Variants in MAGI2 observed in about 807,000 individuals in gnomAD.
MAGI2 encodes membrane associated guanylate kinase, WW and PDZ domain containing 2, also known as membrane-associated guanylate kinase, WW and PDZ domain-containing protein 2.
A neutral mutation model predicts 133.3 loss-of-function variants in MAGI2; 35 were observed. That is an observed-to-expected ratio of 0.26 (90% CI 0.20 to 0.35). MAGI2 has a LOEUF of 0.35. Ranked by LOEUF, MAGI2 falls within the 10% of genes least tolerant of loss-of-function variation. MAGI2 has a pLI of 1.00. For missense variants in MAGI2, 1,636 were observed against 1,863.4 expected (o/e 0.88, Z 2.25); for synonymous variants, 729 against 710.6 (o/e 1.03, Z -0.41).
chr7:78,021,058 T>A (rs78557968), intron 21 of MAGI2, among the ~76,000 whole-genome samples: 1 of 152,060 alleles, frequency 6.6e-6, no homozygotes, highest in Non-Finnish European at 1.5e-5. Context: ...ACTTTTTTTT[T>A]AAAGCAACAG....
At chr7:78,212,677 T>C (rs563314829) in intron 10 of MAGI2, among the ~76,000 whole-genome samples, 19 of 152,304 alleles carry the variant, frequency 1.2e-4, no homozygotes, top group African/African-American at 3.1e-4. Context: ...CAGTAGCAAA[T>C]CCATATAGCT....
rs116994644 is a variant in MAGI2 at position 79,115,394 on chromosome 7, A to G, written c.302-108188T>C. Reference sequence around the variant, plus strand: ...ATATATGCCTTAATTATTGTCTGAAATAGAAGGTGCTCTGTTCTTTAGTCA... The same window carrying G: ...ATATATGCCTTAATTATTGTCTGAAGTAGAAGGTGCTCTGTTCTTTAGTCA... On this transcript the variant is annotated intron_variant, in intron 1 of 21. Transcript: ENST00000354212. 6.8e-3 allele frequency among the ~76,000 whole-genome samples: 1,040 copies of G among 152,300 alleles called. 9 individuals carry two copies. The highest frequency in any genetic ancestry group is 0.012 in the Non-Finnish European group (787 of 68,008).
In MAGI2 at chr7:79,186,191, AATATATATATATATATATATAT is replaced by A. The variant is rs60719172; in HGVS notation, c.302-179007_302-178986del. ...GAGGCCAGCCCTATTTGCCTGGGAA[AATATATATATATATATATATAT>A]ATATATATATATATATATATATATA... On this transcript the variant is annotated intron_variant, in intron 1 of 21. Transcript: ENST00000354212. Among the ~76,000 whole-genome samples the A allele has an allele frequency of 1.7e-3, 190 of 111,814 alleles. 2 individuals carry two copies. The highest frequency in any genetic ancestry group is 0.011 in the South Asian group (35 of 3,046). The allele number at this position is 111,814 out of a possible 152,430, so 73.4% of individuals were successfully genotyped here.
chr7:78,908,230 C>G (rs1798129186), intron 2 of MAGI2, among the ~76,000 whole-genome samples: 1 of 152,178 alleles, frequency 6.6e-6, no homozygotes, highest in African/African-American at 2.4e-5. Flanking sequence ...AGGAGGGAAA[C>G]TAACTTCAGA....
intron 1 of MAGI2, among the ~76,000 whole-genome samples, chr7:79,213,438 C>A (rs532015719): frequency 1.3e-5 from 2 of 151,972 alleles, no homozygotes; most frequent in East Asian, 3.9e-4. Flanking sequence ...CCAGCCTCAG[C>A]CCCCTGGGAT....
At chr7:79,186,363 G>A (rs1249591548) in intron 1 of MAGI2, among the ~76,000 whole-genome samples, 2 of 149,204 alleles carry the variant, frequency 1.3e-5, no homozygotes, top group Admixed American at 6.7e-5. Context: ...CAAAGTAGCT[G>A]ATAGTAGATC....
rs564046451 is a variant in MAGI2, at chr7:78,866,986, T to G, written c.418+140104A>C. Among the ~76,000 whole-genome samples, 8 of 151,534 alleles carry G rather than the reference T, an allele frequency of 5.3e-5. No homozygotes were observed. In the South Asian group the frequency reaches 6.3e-4, roughly 12 times the overall value. On this transcript the variant is annotated intron_variant, in intron 2 of 21. Coordinates refer to ENST00000354212, the MANE Select transcript of MAGI2 (RefSeq NM_012301.4). ...AGAGAAATGCAAATCAAAACCACAA[T>G]GAGATATCATCTCACACCAGTTAGA...
At chr7:78,380,780 G>T (rs944864451) in intron 6 of MAGI2, among the ~76,000 whole-genome samples, 4 of 152,024 alleles carry the variant, frequency 2.6e-5, no homozygotes, top group Admixed American at 6.6e-5. Context: ...TGAAGGGTTG[G>T]ATATCCCGTT....
chr7:79,149,892 A>G (rs1005818220), intron 1 of MAGI2, among the ~76,000 whole-genome samples: 3 of 152,246 alleles, frequency 2.0e-5, no homozygotes, highest in Non-Finnish European at 4.4e-5. Context: ...GCCTGAAATT[A>G]GGAAAGACTT....
intron 2 of MAGI2, among the ~76,000 whole-genome samples, chr7:78,895,566 A>C (rs1033689179): frequency 6.6e-6 from 1 of 151,214 alleles, no homozygotes; most frequent in East Asian, 1.9e-4. Context: ...CAGCAGTGCT[A>C]TAAATTAACC....
At chr7:78,516,180 G>A (rs919971052) in intron 4 of MAGI2, among the ~76,000 whole-genome samples, 6 of 152,184 alleles carry the variant, frequency 3.9e-5, no homozygotes, top group South Asian at 2.1e-4. Flanking sequence ...AATGTTTTGC[G>A]TGTGTAGTGT....
intron 2 of MAGI2, among the ~76,000 whole-genome samples, chr7:78,684,605 A>C (rs1487453173): frequency 6.6e-6 from 1 of 152,124 alleles, no homozygotes; most frequent in African/African-American, 2.4e-5. Flanking sequence ...ACATTACCCT[A>C]AAGTTTCTGG....
At chr7:78,120,980 G>T (rs1220578560) in intron 20 of MAGI2, among the ~76,000 whole-genome samples, 2 of 108,450 alleles carry the variant, frequency 1.8e-5, no homozygotes, top group Non-Finnish European at 3.4e-5. Flanking sequence ...CAGCCTGGGC[G>T]ACAGAGCGAG....
At position 79,011,884 on chromosome 7, in the gene MAGI2, T is replaced by TCTTCCTTCCTTCCTTC. The variant is rs779042721; in HGVS notation, c.302-4694_302-4679dup. Among the ~76,000 whole-genome samples, 79 of 103,378 alleles carry TCTTCCTTCCTTCCTTC rather than the reference T, an allele frequency of 7.6e-4. 1 individual carries two copies. Among genetic ancestry groups the TCTTCCTTCCTTCCTTC allele is most frequent in the East Asian group, 3.6e-3 (13 of 3,612 alleles). 67.8% of individuals were successfully genotyped at this position (103,378 alleles called of 152,430 possible). On this transcript the variant is annotated intron_variant, in intron 1 of 21. Coordinates refer to ENST00000354212, the MANE Select transcript of MAGI2 (RefSeq NM_012301.4). ...GTAGAAGATCCTTCCTTCCTTCCTT[T>TCTTCCTTCCTTCCTTC]CTTCCTTCCTTCCTTCCTTCCTTCC...
intron 3 of MAGI2, among the ~76,000 whole-genome samples, chr7:78,621,015 G>A (rs1464727993): frequency 6.6e-6 from 1 of 151,924 alleles, no homozygotes; most frequent in Non-Finnish European, 1.5e-5. Flanking sequence ...TGTAAGTGGT[G>A]AGTGAAATCA....
chr7:78,763,725 A>C (rs1824744097), intron 2 of MAGI2, among the ~76,000 whole-genome samples: 1 of 137,026 alleles, frequency 7.3e-6, no homozygotes, highest in Non-Finnish European at 1.6e-5. Context: ...AGGAAAGTAC[A>C]AAAAAATAAG....
chr7:79,046,904 T>C (rs1812226864), intron 1 of MAGI2, among the ~76,000 whole-genome samples: 1 of 152,220 alleles, frequency 6.6e-6, no homozygotes, highest in South Asian at 2.1e-4. Context: ...TTTCATAATA[T>C]CCAATTATGT....
At chr7:79,389,832 C>T (rs952758888) in intron 1 of MAGI2, among the ~76,000 whole-genome samples, 2 of 151,956 alleles carry the variant, frequency 1.3e-5, no homozygotes, top group African/African-American at 4.8e-5. Context: ...GTTTGGGTTT[C>T]CTGAGTCTAG....
intron 2 of MAGI2, among the ~76,000 whole-genome samples, chr7:78,852,365 C>A (rs990234470): frequency 6.6e-6 from 1 of 151,760 alleles, no homozygotes; most frequent in African/African-American, 2.4e-5. Context: ...ATTTTTTTCA[C>A]GAACAGGAAA....
Sources: gnomAD v4.1 joint callset for allele counts (sites outside exome capture counted in the v4.1 genomes callset) on GRCh38, gnomAD v4.1.1 for gene constraint, MANE v1.5 for transcripts, NCBI Gene and HGNC (gene_info 2026-07-23, HGNC 2026-07-21) for gene names.